The following PLVAP variants were observed in gnomAD, a reference collection of about 807,000 sequenced individuals.
PLVAP encodes plasmalemma vesicle associated protein, also known as plasmalemma vesicle-associated protein.
PLVAP carries 34 observed loss-of-function variants against 43.1 expected under a neutral mutation model. The ratio of observed to expected loss-of-function variants is 0.79; its 90% CI spans 0.60 to 1.05. PLVAP has a LOEUF of 1.05. PLVAP is among the 50% of genes least tolerant of loss of function. PLVAP has a pLI of 0.00. For synonymous variants in PLVAP, 241 were observed against 237.3 expected, an observed-to-expected ratio of 1.02 and a Z score of -0.14; for missense variants, 574 against 593.4, an observed-to-expected ratio of 0.97 and a Z score of 0.34.
At chr19:17,371,774 C>T (rs1460315144) in intron 1 of PLVAP, among the ~76,000 whole-genome samples, 2 of 152,198 alleles carry the variant, frequency 1.3e-5, no homozygotes, top group Admixed American at 6.5e-5. Context: ...TGAACCACCA[C>T]GCCTGGCCAG....
chr19:17,363,903 C>T (rs900270797), intron 3 of PLVAP, among the ~76,000 whole-genome samples: 7 of 151,792 alleles, frequency 4.6e-5, no homozygotes, highest in African/African-American at 1.7e-4. Context: ...CCACCACACC[C>T]GGCTAAATTT....
intron 5 of PLVAP, among the ~76,000 whole-genome samples, chr19:17,359,230 G>A (rs1199655228): frequency 6.6e-6 from 1 of 151,060 alleles, no homozygotes; most frequent in Non-Finnish European, 1.5e-5. Flanking sequence ...AGCCTCCGGA[G>A]TAGCTGGGAT....
At chr19:17,376,522 G>T (rs1397456254) in intron 1 of PLVAP, among the ~76,000 whole-genome samples, 1 of 152,014 alleles carries the variant, frequency 6.6e-6, no homozygotes, top group African/African-American at 2.4e-5. Flanking sequence ...TATCGGCCGG[G>T]TGCAGTGGCT....
At chr19:17,366,078 C>T (rs1185710083) in intron 2 of PLVAP, 21 bp downstream of exon 2, 2 of 1,613,750 alleles carry the variant, frequency 1.2e-6, no homozygotes, top group Non-Finnish European at 1.7e-6. Flanking sequence ...CACCCCGGCT[C>T]CCTGCAGCCT....
chr19:17,373,090 A>AAAAAG (rs2074580534), intron 1 of PLVAP, among the ~76,000 whole-genome samples: 1 of 125,768 alleles, frequency 8.0e-6, no homozygotes, highest in Non-Finnish European at 1.7e-5. Flanking sequence ...AAAAAAAAAA[A>AAAAAG]AAAGAAAGAA....
At chr19:17,353,421 G>A (rs995238027) in intron 5 of PLVAP, among the ~76,000 whole-genome samples, 12 of 152,300 alleles carry the variant, frequency 7.9e-5, no homozygotes, top group Admixed American at 4.6e-4. Context: ...CACATCCCCC[G>A]TCTGCTCAGG....
At chr19:17,364,116 C>T (rs1437790003) in intron 3 of PLVAP, among the ~76,000 whole-genome samples, 1 of 134,842 alleles carries the variant, frequency 7.4e-6, no homozygotes, top group Non-Finnish European at 1.6e-5. Context: ...GATGGAGTCT[C>T]GCTCTGTCAC....
intron 5 of PLVAP, among the ~76,000 whole-genome samples, chr19:17,357,956 C>G (rs892753063): frequency 1.3e-5 from 2 of 152,204 alleles, no homozygotes; most frequent in African/African-American, 4.8e-5. Context: ...GGGCTGGGAG[C>G]CCGGGCCTGG....
intron 1 of PLVAP, among the ~76,000 whole-genome samples, chr19:17,367,814 A>G (rs2074556278): frequency 6.6e-6 from 1 of 151,620 alleles, no homozygotes; most frequent in Non-Finnish European, 1.5e-5. Flanking sequence ...TGGTCAACTG[A>G]TTTGGACAAG....
At chr19:17,356,750 G>A (rs577821813) in intron 5 of PLVAP, among the ~76,000 whole-genome samples, 17 of 151,490 alleles carry the variant, frequency 1.1e-4, no homozygotes, top group Non-Finnish European at 1.9e-4. Context: ...ACCTGAGGTC[G>A]GGAGTTCGAG....
chr19:17,375,685 C>T (rs867223783), intron 1 of PLVAP, among the ~76,000 whole-genome samples: 3 of 151,960 alleles, frequency 2.0e-5, no homozygotes, highest in Non-Finnish European at 2.9e-5. Context: ...AGTTTGAGAC[C>T]AGCCTGGCAA....
chr19:17,365,714 C>T lies in PLVAP; in HGVS notation c.751G>A (p.Asp251Asn), dbSNP rs1328032996. 2.1e-5 allele frequency: 34 copies of T among 1,613,998 alleles called. No individual in the cohort carries two copies. The highest frequency in any genetic ancestry group is 2.8e-5 in the Non-Finnish European group (33 of 1,180,048). Residue 251 changes from aspartate (D) to asparagine (N), a missense_variant, in exon 3 of 6, where the codon GAC (aspartate) becomes AAC (asparagine). Transcript: ENST00000252590. ...TGGTAGAGGTTGTAACCCAGGTTGT[C>T]CAGGCTGCGTGGGATAATGGAGTCC... ...WRDSIIPRSLDNLGYNLYHPL... is the reference protein window; with the variant it reads ...WRDSIIPRSLNNLGYNLYHPL...
intron 1 of PLVAP, among the ~76,000 whole-genome samples, chr19:17,369,934 T>C (rs111420175): frequency 0.038 from 5,054 of 133,874 alleles, 268 homozygotes; most frequent in African/African-American, 0.13. Flanking sequence ...ACCCGGGAGA[T>C]GGAGGTTGCA....
chr19:17,374,481 C>G (rs899587982), intron 1 of PLVAP, among the ~76,000 whole-genome samples: 2 of 151,706 alleles, frequency 1.3e-5, no homozygotes, highest in Non-Finnish European at 3.0e-5. Flanking sequence ...AACAAAACAA[C>G]AAAAGCTTCT....
chr19:17,360,653 C>T, intron 4 of PLVAP, 44 bp from the exon 5 acceptor site: 1 of 1,589,420 alleles, frequency 6.3e-7, no homozygotes, highest in Non-Finnish European at 8.6e-7. Flanking sequence ...GCTTCAGTTG[C>T]CCCTGCCCCT....
intron 1 of PLVAP, among the ~76,000 whole-genome samples, chr19:17,371,777 C>A (rs1050459451): frequency 5.3e-5 from 8 of 152,188 alleles, no homozygotes; most frequent in Non-Finnish European, 1.0e-4. Flanking sequence ...ACCACCACGC[C>A]TGGCCAGCAA....
At position 17,352,162 on chromosome 19, in the gene PLVAP, T is replaced by G. The variant is rs2074488449; in HGVS notation, c.*200A>C. The stretch of plus-strand genomic sequence containing the variant: ...GCGTGACGTCATCTCCGCGGCCGTG[T>G]GCTCTGGGTGAGGGATCGTGAGGCG... On this transcript the variant is annotated 3_prime_UTR_variant, in exon 6 of 6. Coordinates refer to ENST00000252590, the MANE Select transcript of PLVAP (RefSeq NM_031310.3). 3 of 667,052 alleles carry G rather than the reference T, an allele frequency of 4.5e-6. No homozygotes were observed. Among genetic ancestry groups the G allele is most frequent in the Non-Finnish European group, 7.7e-6 (3 of 391,204 alleles). The allele number at this position is 667,052 out of a possible 1,614,324, so 41.3% of individuals were successfully genotyped here.
chr19:17,357,997 G>T (rs2074513101), intron 5 of PLVAP, among the ~76,000 whole-genome samples: 1 of 152,192 alleles, frequency 6.6e-6, no homozygotes, highest in Admixed American at 6.5e-5. Flanking sequence ...ACCCCAGGCT[G>T]CTCACTTCCC....
At chr19:17,367,350 G>A (rs2074554428) in intron 1 of PLVAP, among the ~76,000 whole-genome samples, 1 of 151,892 alleles carries the variant, frequency 6.6e-6, no homozygotes, top group South Asian at 2.1e-4. Flanking sequence ...CAGTAGCTGG[G>A]ACTACAGGCC....
Sources: allele counts gnomAD v4.1 joint callset (sites outside exome capture counted in the v4.1 genomes callset), GRCh38; gene constraint gnomAD v4.1.1; transcripts MANE v1.5; gene names NCBI Gene and HGNC (gene_info 2026-07-23, HGNC 2026-07-21).